The following C2CD2 variants were observed in gnomAD, a reference collection of about 807,000 sequenced individuals.
The protein encoded by C2CD2 is C2 calcium dependent domain containing 2, also known as C2 domain-containing protein 2.
In C2CD2, 43 loss-of-function variants were observed where a neutral mutation model predicts 74.3. The ratio of observed to expected loss-of-function variants is 0.58; its 90% CI spans 0.45 to 0.75. C2CD2 has a LOEUF of 0.75. Ranked by LOEUF, C2CD2 falls within the 30% of genes least tolerant of loss-of-function variation. The probability of loss-of-function intolerance (pLI) is 0.00; values close to 1 mark genes in which losing one functional copy is unlikely to be tolerated. For missense variants in C2CD2, 801 were observed against 916.3 expected (o/e 0.87, Z 1.63); for synonymous variants, 422 against 390.7 (o/e 1.08, Z -0.94).
intron 13 of C2CD2, among the ~76,000 whole-genome samples, chr21:41,896,730 C>T (rs966725028): frequency 1.4e-5 from 1 of 69,354 alleles, no homozygotes. Flanking sequence ...AAAAAAAAAA[C>T]AAGCTTTAGT....
chr21:41,944,916 G>A (rs982431433), intron 1 of C2CD2, among the ~76,000 whole-genome samples: 3 of 152,194 alleles, frequency 2.0e-5, no homozygotes, highest in African/African-American at 4.8e-5. Context: ...TGGCTCTGGT[G>A]CACCAACAAA....
chr21:41,894,965 G>T (rs1291402609), intron 13 of C2CD2: 1 of 456,438 alleles, frequency 2.2e-6, no homozygotes, highest in African/African-American at 2.0e-5. Context: ...CACCTGTGAG[G>T]TGTCGCTGTG....
chr21:41,947,112 T>C (rs112581002), intron 1 of C2CD2, among the ~76,000 whole-genome samples: 1,146 of 25,182 alleles, frequency 0.046, 48 homozygotes, highest in Non-Finnish European at 0.075. Context: ...CCTTTCTCTT[T>C]TCTCTCTCTC....
At position 41,899,340 on chromosome 21, in the gene C2CD2, T is replaced by C. The variant is rs534502538; in HGVS notation, c.1583A>G (p.Asp528Gly). 2 of 1,607,274 alleles carry C rather than the reference T, an allele frequency of 1.2e-6. No homozygotes were observed. Among genetic ancestry groups the C allele is most frequent in the East Asian group, 2.2e-5 (1 of 44,870 alleles). The change falls in exon 13 of 14, where the codon GAC becomes GGC. Residue 528 changes from aspartate to glycine, a missense_variant. Coordinates refer to ENST00000380486, the MANE Select transcript of C2CD2 (RefSeq NM_015500.2). This position sits in a 1 kb window ranked among gnomAD's most constrained non-coding sequence, Gnocchi z 4.4. ...CGTGTAGCCCTGCATCAGGGCAGCG[T>C]CGTGGTCCTGAGATAGTGAGGTCTG... is the stretch of plus-strand genomic sequence containing the variant. ...ISKTSLSQDH[D>G]AALMQGYTAS... is the part of the protein sequence containing the mutation.
chr21:41,904,625 T>C (rs1029964587), intron 11 of C2CD2, among the ~76,000 whole-genome samples: 18 of 152,088 alleles, frequency 1.2e-4, no homozygotes, highest in African/African-American at 4.3e-4. Context: ...AGCGGGGTAG[T>C]ATCCAAAAAA....
chr21:41,947,169 T>C (rs2065407887), intron 1 of C2CD2, among the ~76,000 whole-genome samples: 1 of 97,650 alleles, frequency 1.0e-5, no homozygotes, highest in African/African-American at 4.0e-5. Context: ...TCTCTCCTTC[T>C]TTTTTGAGAC....
chr21:41,895,030 G>T lies in C2CD2; in HGVS notation c.1870+4023C>A, dbSNP rs1481953932. ...ACAGAACACGCACTGAGGTGCGGCT[G>T]GGAAGGCATTGTGTAGATGTGGATA... On this transcript the variant is annotated intron_variant, in intron 13 of 13. Transcript: ENST00000380486. This position sits in a 1 kb window ranked among gnomAD's most constrained non-coding sequence, Gnocchi z 5.0. 2.2e-6 allele frequency: 1 copy of T among 448,852 alleles called. No homozygotes were observed. 27.8% of individuals were successfully genotyped at this position (448,852 alleles called of 1,614,324 possible). A position where few individuals can be genotyped will look rare whatever the true frequency, so the allele number is the denominator to read the frequency against.
At chr21:41,943,025 G>A (rs73365237) in intron 1 of C2CD2, 1 of 785,700 alleles carries the variant, frequency 1.3e-6, no homozygotes, top group African/African-American at 1.9e-5. Flanking sequence ...GCAAAGCCAG[G>A]CATGGTGGCT....
At chr21:41,916,220 G>C (rs1214699952) in intron 5 of C2CD2, among the ~76,000 whole-genome samples, 1 of 152,148 alleles carries the variant, frequency 6.6e-6, no homozygotes, top group Non-Finnish European at 1.5e-5. Flanking sequence ...GAGGGTGATG[G>C]TTAACTGTAT....
intron 1 of C2CD2, among the ~76,000 whole-genome samples, chr21:41,948,712 T>C (rs1045355408): frequency 6.6e-6 from 1 of 152,058 alleles, no homozygotes; most frequent in Non-Finnish European, 1.5e-5. Flanking sequence ...ACAGCCACTG[T>C]CATTGGTCAA....
chr21:41,911,372 T>A (rs2065023397), intron 7 of C2CD2, among the ~76,000 whole-genome samples: 1 of 151,682 alleles, frequency 6.6e-6, no homozygotes, highest in Admixed American at 6.6e-5. Context: ...GGCCTACATT[T>A]TTCCCTATCT....
At chr21:41,901,326 G>C (rs1437131964) in intron 12 of C2CD2, 1 of 461,702 alleles carries the variant, frequency 2.2e-6, no homozygotes, top group Non-Finnish European at 4.0e-6. Context: ...CCAAAGGGGA[G>C]TCTTACATCA....
At position 41,907,025 on chromosome 21, in the gene C2CD2, C is replaced by A. The variant is rs749661710; in HGVS notation, c.1285G>T (p.Val429Phe). The change falls in exon 10 of 14, where the codon GTC (valine) becomes TTC (phenylalanine). Residue 429 changes from valine to phenylalanine, a missense_variant. By Grantham distance (50) the Val-to-Phe change is conservative (BLOSUM62 -1). Transcript: ENST00000380486. ...AGCGGGGACGCCCTCCCCACGTCGA[C>A]GCGAGGCTTGGTCTTCACAGCAGTG... ...TVTAVKTKPR[V>F]DVGRASPLSS... 6.2e-7 allele frequency: 1 copy of A among 1,614,054 alleles called. No homozygotes were observed. Among genetic ancestry groups the A allele is most frequent in the Non-Finnish European group, 8.5e-7 (1 of 1,179,988 alleles).
At position 41,899,275 on chromosome 21, in the gene C2CD2, G is replaced by A. The variant is rs2064863026; in HGVS notation, c.1648C>T (p.His550Tyr). 4 of 1,611,960 alleles carry A rather than the reference G, an allele frequency of 2.5e-6. No individual in the cohort carries two copies. The highest frequency in any genetic ancestry group is 3.4e-6 in the Non-Finnish European group (4 of 1,179,876). ...GCAGAGGCTGCCGCCCTCTCCGGATGGGATGGGGCGTCCTCCTGGTGGGTG... is the reference window on the plus strand; with the variant it reads ...GCAGAGGCTGCCGCCCTCTCCGGATAGGATGGGGCGTCCTCCTGGTGGGTG... ...DSTHQEDAPSHPERAAASAPP... is the reference protein window; with the variant it reads ...DSTHQEDAPSYPERAAASAPP... The change falls in exon 13 of 14, where the codon CAT becomes TAT. Residue 550 changes from histidine (H) to tyrosine (Y), a missense_variant. Transcript: ENST00000380486. This position sits in a 1 kb window ranked among gnomAD's most constrained non-coding sequence, Gnocchi z 4.4.
At chr21:41,917,646 C>T (rs1323548395) in intron 5 of C2CD2, among the ~76,000 whole-genome samples, 1 of 152,208 alleles carries the variant, frequency 6.6e-6, no homozygotes, top group Non-Finnish European at 1.5e-5. Flanking sequence ...GGGGGTCGCA[C>T]AGATGAGACT....
chr21:41,942,379 A>G lies in C2CD2; in HGVS notation c.280-134T>C, dbSNP rs182533115. ...TTTCTGTGAACTCTGTGCTTCTAAT[A>G]GCAGCAATGGCTAAATATCAGGAGC... On this transcript the variant is annotated intron_variant, in intron 1 of 13. Coordinates refer to ENST00000380486, the MANE Select transcript of C2CD2 (RefSeq NM_015500.2). The G allele has an allele frequency of 4.1e-4, 282 of 688,314 alleles. No homozygotes were observed. In the African/African-American group the frequency reaches 4.4e-3, roughly 11 times the overall value. The allele number at this position is 688,314 out of a possible 1,614,324, so 42.6% of individuals were successfully genotyped here.
chr21:41,914,365 A>C (rs1262379229), intron 6 of C2CD2, among the ~76,000 whole-genome samples: 1 of 151,916 alleles, frequency 6.6e-6, no homozygotes, highest in Non-Finnish European at 1.5e-5. Flanking sequence ...AAAAGGCCAA[A>C]CCAATTATAC....
intron 13 of C2CD2, among the ~76,000 whole-genome samples, chr21:41,893,606 A>G (rs1342774281): frequency 6.7e-6 from 1 of 148,840 alleles, no homozygotes; most frequent in Non-Finnish European, 1.5e-5. Flanking sequence ...CTCTTCTTAC[A>G]CCCTACCGAG....
At position 41,895,262 on chromosome 21, in the gene C2CD2, A is replaced by C. The variant is rs1397769742; in HGVS notation, c.1870+3791T>G. Among the ~76,000 whole-genome samples the C allele has an allele frequency of 6.6e-6, 1 of 152,172 alleles. No individual in the cohort carries two copies. The highest frequency in any genetic ancestry group is 1.5e-5 in the Non-Finnish European group (1 of 68,026). ...TTCAGACCTGTCAATCTCATGAGTC[A>C]GTTCCTTAAATATGTAACCTATGGG... On this transcript the variant is annotated intron_variant, in intron 13 of 13. Coordinates refer to ENST00000380486, the MANE Select transcript of C2CD2 (RefSeq NM_015500.2). This position sits in a 1 kb window ranked among gnomAD's most constrained non-coding sequence, Gnocchi z 5.0.
Sources: allele counts gnomAD v4.1 joint callset (sites outside exome capture counted in the v4.1 genomes callset), GRCh38; gene constraint gnomAD v4.1.1; non-coding constraint Gnocchi (gnomAD v3.1); transcripts MANE v1.5; gene names NCBI Gene and HGNC (gene_info 2026-07-23, HGNC 2026-07-21).